Variants in TRIOBP observed in about 807,000 individuals in gnomAD.
The protein encoded by TRIOBP is TRIO and F-actin binding protein, also known as TRIO and F-actin-binding protein.
TRIOBP carries 169 observed loss-of-function variants against 238.8 expected under a neutral mutation model. The observed-to-expected ratio is 0.71, with a 90% CI of 0.62 to 0.80. The LOEUF (loss-of-function observed/expected upper bound fraction) is 0.80. TRIOBP is among the 30% of genes least tolerant of loss of function. The probability of loss-of-function intolerance (pLI) is 0.00; values close to 1 mark genes in which losing one functional copy is unlikely to be tolerated. For missense variants in TRIOBP, 2,838 were observed against 3,122.6 expected (o/e 0.91, Z 2.17); for synonymous variants, 1,150 against 1,274.4 (o/e 0.90, Z 2.08).
In TRIOBP at chr22:37,773,929, CACACACACAGACACACAG is replaced by C. The variant is rs1926910837; in HGVS notation, c.*155_*172del. On this transcript the variant is annotated 3_prime_UTR_variant, in exon 24 of 24. Coordinates refer to ENST00000644935, the MANE Select transcript of TRIOBP (RefSeq NM_001039141.3). ...CCACACACACACACACACACACACA[CACACACACAGACACACAG>C]ACACATACGCACACACGTGCACACA... 7.7e-6 allele frequency: 1 copy of C among 129,840 alleles called. No homozygotes were observed. The highest frequency in any genetic ancestry group is 3.8e-5 in the African/African-American group (1 of 26,224). 8.0% of individuals were successfully genotyped at this position (129,840 alleles called of 1,614,324 possible). A position where few individuals can be genotyped will look rare whatever the true frequency, so the allele number is the denominator to read the frequency against.
Position 37,755,531 on chromosome 22 carries a change from C to T in TRIOBP, c.5578-19C>T. On this transcript the variant is annotated intron_variant, in intron 14 of 23. Transcript: ENST00000644935. ...TGCGGCTGGCCATGTGGCAACCTAC[C>T]CATGCGGTGGCCTTGCAGACCAAGG... The T allele has an allele frequency of 6.2e-7, 1 of 1,609,332 alleles. No individual in the cohort carries two copies. The highest frequency in any genetic ancestry group is 8.5e-7 in the Non-Finnish European group (1 of 1,175,956).
At chr22:37,759,047 C>T (rs948066051) in intron 16 of TRIOBP, 107 bp from the exon 17 acceptor site, 29 of 932,116 alleles carry the variant, frequency 3.1e-5, no homozygotes, top group Middle Eastern at 3.1e-4. Flanking sequence ...CTTCCAGGGA[C>T]GCTGGGCTTG....
intron 5 of TRIOBP, among the ~76,000 whole-genome samples, chr22:37,714,072 A>G (rs1364770408): frequency 1.3e-5 from 2 of 152,112 alleles, no homozygotes; most frequent in Non-Finnish European, 2.9e-5. Flanking sequence ...GGGGAGACTC[A>G]CCACAGCCTC....
chr22:37,754,963 C>T lies in TRIOBP; in HGVS notation c.5466C>T (p.Tyr1822=). 6.2e-7 allele frequency: 1 copy of T among 1,614,104 alleles called. No individual in the cohort carries two copies. Among genetic ancestry groups the T allele is most frequent in the African/African-American group, 1.3e-5 (1 of 75,052 alleles). ...TGACAGATTCAAGTCTCAAATATTA[C>T]AGAGACTCCACTGCTGAGGAGGTGA... The part of the protein sequence containing the change: ...FVLTDSSLKY[Y]RDSTAEEADE... The change falls in exon 13 of 24, where the codon TAC becomes TAT. Residue 1822 remains tyrosine, a synonymous_variant. Coordinates refer to ENST00000644935, the MANE Select transcript of TRIOBP (RefSeq NM_001039141.3).
At chr22:37,752,376 T>A (rs1009673041) in intron 12 of TRIOBP, among the ~76,000 whole-genome samples, 5 of 152,188 alleles carry the variant, frequency 3.3e-5, no homozygotes, top group Admixed American at 6.5e-5. Context: ...TCCTGGCACT[T>A]ACTGTGGGCT....
In TRIOBP at chr22:37,754,858, C is replaced by G. The variant is rs551310528; in HGVS notation, c.5380-19C>G. ...GTACAATCACACACACTGGCTCTTT[C>G]ATTCCATCCTCCTTGCAGCCTCCCT... On this transcript the variant is annotated intron_variant, in intron 12 of 23. Transcript: ENST00000644935. The G allele has an allele frequency of 7.9e-5, 127 of 1,612,234 alleles. No individual in the cohort carries two copies. The South Asian group carries it at 1.4e-3, about 17-fold the overall frequency.
intron 6 of TRIOBP, among the ~76,000 whole-genome samples, chr22:37,722,453 A>T (rs1294587629): frequency 3.5e-5 from 5 of 142,880 alleles, no homozygotes; most frequent in African/African-American, 1.3e-4. Context: ...AAGGTCGGGC[A>T]TGGTGGCTCA....
At position 37,701,311 on chromosome 22, in the gene TRIOBP, A is replaced by T. The variant is rs1922631042; in HGVS notation, c.-55A>T. 7.6e-6 allele frequency: 11 copies of T among 1,443,204 alleles called. No homozygotes were observed. Among genetic ancestry groups the T allele is most frequent in the Non-Finnish European group, 8.7e-6 (9 of 1,038,458 alleles). The allele number at this position is 1,443,204 out of a possible 1,614,324, so 89.4% of individuals were successfully genotyped here. ...CTCCCCCTCATTTTTGCCAGGCCTC[A>T]CATAGACGGTCAGCCATTGGATCAT... On this transcript the variant is annotated 5_prime_UTR_variant, in exon 3 of 24. Coordinates refer to ENST00000644935, the MANE Select transcript of TRIOBP (RefSeq NM_001039141.3).
At position 37,759,159 on chromosome 22, in the gene TRIOBP, G is replaced by T; in HGVS notation, c.6219G>T (p.Gln2073His). 1 of 1,611,610 alleles carries T rather than the reference G, an allele frequency of 6.2e-7. No homozygotes were observed. Among genetic ancestry groups the T allele is most frequent in the South Asian group, 1.1e-5 (1 of 90,872 alleles). Residue 2073 changes from glutamine to histidine, a missense_variant, in exon 17 of 24, where the codon CAG becomes CAT. Coordinates refer to ENST00000644935, the MANE Select transcript of TRIOBP (RefSeq NM_001039141.3). ...ACCACCCTTCTCCCTCGTAGGTTCA[G>T]GCTCTTCGGGCCCAGCTGGAGGCGT... ...DGHEALEKEV[Q>H]ALRAQLEAWR... is the part of the protein sequence containing the mutation.
Position 37,725,166 on chromosome 22 carries a change from A to T in TRIOBP, c.2610A>T (p.Gln870His). 1 of 1,614,030 alleles carries T rather than the reference A, an allele frequency of 6.2e-7. No individual in the cohort carries two copies. The highest frequency in any genetic ancestry group is 8.5e-7 in the Non-Finnish European group (1 of 1,179,988). The change falls in exon 7 of 24, where the codon CAA becomes CAT. Residue 870 changes from glutamine to histidine, a missense_variant. Physicochemically the swap from Gln to His is conservative, Grantham distance 24. Around this residue, in one of 5 missense-constraint regions of TRIOBP, gnomAD observed 2,096 missense variants for 2,137.4 expected, o/e 0.98. Coordinates refer to ENST00000644935, the MANE Select transcript of TRIOBP (RefSeq NM_001039141.3). ...QRDNPGTSSS[Q>H]CCTQKENLRP... Reference sequence around the variant, plus strand: ...ACAACCCTGGAACCTCCTCATCTCAATGCTGCACCCAAAAGGAGAATCTGA... The same window carrying T: ...ACAACCCTGGAACCTCCTCATCTCATTGCTGCACCCAAAAGGAGAATCTGA...
intron 17 of TRIOBP, among the ~76,000 whole-genome samples, chr22:37,764,604 T>C (rs1031152962): frequency 2.0e-5 from 3 of 152,230 alleles, no homozygotes; most frequent in Non-Finnish European, 4.4e-5. Flanking sequence ...GTGGGATCAT[T>C]TCTGGGAGTG....
chr22:37,762,063 CATTTT>C (rs1006786614), intron 17 of TRIOBP, among the ~76,000 whole-genome samples: 36 of 152,214 alleles, frequency 2.4e-4, no homozygotes, highest in African/African-American at 7.7e-4. Flanking sequence ...CATCTTCCTC[CATTTT>C]ATTTTATTTT....
rs111650635 is a variant in TRIOBP at position 37,764,883 on chromosome 22, G to A, written c.6325-787G>A. On this transcript the variant is annotated intron_variant, in intron 17 of 23. Coordinates refer to ENST00000644935, the MANE Select transcript of TRIOBP (RefSeq NM_001039141.3). ...TCAGGGAATTTATGGTTTGGCAGAG[G>A]TAGAACCTTTTGAGGCAGGGGAGAG... 6.8e-3 allele frequency among the ~76,000 whole-genome samples: 1,030 copies of A among 152,358 alleles called. 12 individuals are homozygous for A. The highest frequency in any genetic ancestry group is 0.023 in the African/African-American group (962 of 41,582).
At position 37,765,809 on chromosome 22, in the gene TRIOBP, C is replaced by T. The variant is rs1344381571; in HGVS notation, c.6464C>T (p.Thr2155Met). 3.8e-6 allele frequency: 6 copies of T among 1,565,224 alleles called. No individual in the cohort carries two copies. The highest frequency in any genetic ancestry group is 1.6e-5 in the African/African-American group (1 of 62,096). ...CTCCTGGCTGAGGAGACGGCAGCCA[C>T]GGCCTCAGGTATGGACCCTGGGGGG... ...EWLLAEETAATASAIEAMKKA... is the reference protein window; with the variant it reads ...EWLLAEETAAMASAIEAMKKA... The change falls in exon 18 of 24, where the codon ACG becomes ATG. Residue 2155 changes from threonine to methionine, a missense_variant. Thr to Met is a moderately conservative substitution (Grantham distance 81). Coordinates refer to ENST00000644935, the MANE Select transcript of TRIOBP (RefSeq NM_001039141.3).
At position 37,733,404 on chromosome 22, in the gene TRIOBP, A is replaced by G; in HGVS notation, c.4054A>G (p.Ser1352Gly). The change falls in exon 8 of 24, where the codon AGC becomes GGC. Residue 1352 changes from serine to glycine, a missense_variant. By Grantham distance (56) the Ser-to-Gly change is moderately conservative (BLOSUM62 0). Around this residue, in one of 5 missense-constraint regions of TRIOBP, gnomAD observed 2,096 missense variants for 2,137.4 expected, o/e 0.98. Coordinates refer to ENST00000644935, the MANE Select transcript of TRIOBP (RefSeq NM_001039141.3). ...CCGAAGACAGTCCAGCCCTGCCCCC[A>G]GCAGGCAGGTGAGCACTGCCAGCTG... ...LLRRQSSPAPSRQVTMLPAKQ... is the reference protein window; with the variant it reads ...LLRRQSSPAPGRQVTMLPAKQ... 6.4e-7 allele frequency: 1 copy of G among 1,550,566 alleles called. No individual in the cohort carries two copies. The highest frequency in any genetic ancestry group is 1.2e-5 in the South Asian group (1 of 84,074).
intron 8 of TRIOBP, 139 bp from the exon 9 acceptor site, chr22:37,734,260 C>T (rs1924553251): frequency 2.5e-6 from 2 of 794,520 alleles, no homozygotes; most frequent in South Asian, 2.9e-5. Context: ...GGGGCAGAGA[C>T]CCTGTGTACT....
rs368559098 is a variant in TRIOBP, at chr22:37,757,733, G to A, written c.5808G>A (p.Ala1936=). The A allele has an allele frequency of 6.6e-5, 104 of 1,572,988 alleles. No homozygotes were observed. The highest frequency in any genetic ancestry group is 8.1e-5 in the South Asian group (7 of 86,100). The change falls in exon 16 of 24, where the codon GCG becomes GCA. Residue 1936 remains alanine (A), a synonymous_variant. Coordinates refer to ENST00000644935, the MANE Select transcript of TRIOBP (RefSeq NM_001039141.3). ...EVISRGGPRK[A]DGQRQALDYV... The stretch of plus-strand genomic sequence containing the variant: ...TCAGCCGGGGTGGCCCTCGGAAGGC[G>A]GACGGGCAGCGTCAGGCCTTGGACT...
At chr22:37,770,689 C>A (rs539629988) in intron 21 of TRIOBP, among the ~76,000 whole-genome samples, 10 of 143,796 alleles carry the variant, frequency 7.0e-5, no homozygotes, top group African/African-American at 2.3e-4. Flanking sequence ...TATTTTATTT[C>A]TCTTTTTTTT....
At chr22:37,714,372 A>G (rs2145822999) in intron 5 of TRIOBP, among the ~76,000 whole-genome samples, 1 of 152,242 alleles carries the variant, frequency 6.6e-6, no homozygotes. Flanking sequence ...CTTTTAATTT[A>G]ATTGATTGAT....
Sources: gnomAD v4.1 joint callset for allele counts (sites outside exome capture counted in the v4.1 genomes callset) on GRCh38, gnomAD v4.1.1 for gene constraint, gnomAD v4.1.1 regional missense constraint, MANE v1.5 for transcripts, NCBI Gene and HGNC (gene_info 2026-07-23, HGNC 2026-07-21) for gene names.